CTNNA3: variants seen among roughly 807,000 people sequenced by gnomAD.
CTNNA3 encodes the protein catenin alpha-3.
In CTNNA3, 76 loss-of-function variants were observed where a neutral mutation model predicts 95.7. The ratio of observed to expected loss-of-function variants is 0.79; its 90% confidence interval spans 0.66 to 0.96. CTNNA3 has a LOEUF of 0.96. Among genes scored for constraint, CTNNA3 ranks in the 40% least tolerant of loss-of-function variants. The pLI is 0.00. For missense variants in CTNNA3, 1,191 were observed against 1,089.8 expected (o/e 1.09, Z -1.31); for synonymous variants, 431 against 374.4 (o/e 1.15, Z -1.74).
chr10:66,856,966 T>C (rs1279007678), intron 7 of CTNNA3, among the ~76,000 whole-genome samples: 1 of 152,102 alleles, frequency 6.6e-6, no homozygotes, highest in Non-Finnish European at 1.5e-5. Context: ...ATTTTTGTCA[T>C]GAAAATTTTT....
chr10:65,973,982 G>A lies in CTNNA3; in HGVS notation c.2266-7236C>T, dbSNP rs115936440. On this transcript the variant is annotated intron_variant, in intron 16 of 17. Transcript: ENST00000433211. Reference sequence around the variant, plus strand: ...GAAGACATACAAGTGGCCAACCAATGTGAAAAAATGCTCAACATCATGAAT... The same window carrying A: ...GAAGACATACAAGTGGCCAACCAATATGAAAAAATGCTCAACATCATGAAT... Among the ~76,000 whole-genome samples the A allele has an allele frequency of 7.9e-3, 1,205 of 152,160 alleles. 14 individuals carry two copies. Among genetic ancestry groups the A allele is most frequent in the African/African-American group, 0.027 (1,141 of 41,502 alleles).
chr10:67,030,035 T>C (rs1853622595), intron 7 of CTNNA3, among the ~76,000 whole-genome samples: 1 of 152,314 alleles, frequency 6.6e-6, no homozygotes. Flanking sequence ...GATAGGTAAA[T>C]AAAATTAATT....
At chr10:67,542,985 T>C (rs538194023) in intron 3 of CTNNA3, among the ~76,000 whole-genome samples, 8 of 152,282 alleles carry the variant, frequency 5.3e-5, no homozygotes, top group Non-Finnish European at 1.2e-4. Flanking sequence ...TTGCTTATAA[T>C]GCTTTTACTT....
At chr10:67,413,277 CTTCA>C (rs1212565737) in intron 5 of CTNNA3, among the ~76,000 whole-genome samples, 1 of 152,024 alleles carries the variant, frequency 6.6e-6, no homozygotes, top group Non-Finnish European at 1.5e-5. Context: ...ATCATTCATT[CTTCA>C]TTCATTCATC....
chr10:66,986,004 G>C (rs895895855), intron 7 of CTNNA3, among the ~76,000 whole-genome samples: 1 of 152,074 alleles, frequency 6.6e-6, no homozygotes, highest in African/African-American at 2.4e-5. Flanking sequence ...GGGATTACAG[G>C]CGTGAGCCAC....
At chr10:66,649,006 G>A (rs1293190726) in intron 9 of CTNNA3, among the ~76,000 whole-genome samples, 3 of 152,066 alleles carry the variant, frequency 2.0e-5, no homozygotes, top group Admixed American at 6.5e-5. Context: ...TTAAAGGAAC[G>A]CTAACATAGG....
intron 5 of CTNNA3, among the ~76,000 whole-genome samples, chr10:67,231,033 G>T (rs542439585): frequency 6.6e-6 from 1 of 152,192 alleles, no homozygotes; most frequent in Non-Finnish European, 1.5e-5. Context: ...TACGCCCACC[G>T]AGTCTCGCTG....
chr10:66,079,276 T>G (rs557994995), intron 14 of CTNNA3: 5 of 151,910 alleles, frequency 3.3e-5, no homozygotes, highest in African/African-American at 1.2e-4. Flanking sequence ...AAGATCCCTG[T>G]GCAGAAAAAG....
intron 2 of CTNNA3, among the ~76,000 whole-genome samples, chr10:67,631,612 G>A (rs1055581735): frequency 1.3e-5 from 2 of 152,140 alleles, no homozygotes; most frequent in African/African-American, 2.4e-5. Context: ...TGAACTTAAA[G>A]ACATGAACTT....
At chr10:66,830,218 T>C (rs1480483655) in intron 7 of CTNNA3, among the ~76,000 whole-genome samples, 4 of 152,214 alleles carry the variant, frequency 2.6e-5, no homozygotes, top group African/African-American at 7.2e-5. Context: ...TGATTTCTAA[T>C]ACCAGATTAA....
intron 9 of CTNNA3, among the ~76,000 whole-genome samples, chr10:66,735,810 G>A (rs575615335): frequency 7.9e-5 from 12 of 152,068 alleles, no homozygotes; most frequent in Non-Finnish European, 1.3e-4. Context: ...GGTTCACTGT[G>A]GGCAGAGTAA....
At chr10:67,105,762 T>C (rs1038827068) in intron 7 of CTNNA3, among the ~76,000 whole-genome samples, 1 of 152,186 alleles carries the variant, frequency 6.6e-6, no homozygotes, top group Non-Finnish European at 1.5e-5. Context: ...AAGAAAATTA[T>C]TGCCTTGAGG....
chr10:65,932,248 G>A (rs1801632353), intron 17 of CTNNA3, among the ~76,000 whole-genome samples: 1 of 152,164 alleles, frequency 6.6e-6, no homozygotes, highest in African/African-American at 2.4e-5. Flanking sequence ...CCAGATTAAT[G>A]ATATAGCAGA....
intron 14 of CTNNA3, among the ~76,000 whole-genome samples, chr10:66,082,116 A>G (rs2080789187): frequency 6.6e-6 from 1 of 151,982 alleles, no homozygotes; most frequent in Admixed American, 6.6e-5. Flanking sequence ...AAACTCTGGC[A>G]AAAAAATAAA....
At chr10:65,990,156 T>C (rs1378846130) in intron 15 of CTNNA3, among the ~76,000 whole-genome samples, 1 of 151,782 alleles carries the variant, frequency 6.6e-6, no homozygotes, top group East Asian at 1.9e-4. Flanking sequence ...TGATTTCACA[T>C]CTTTGCTATT....
chr10:67,245,140 T>C lies in CTNNA3; in HGVS notation c.580-25270A>G, dbSNP rs114162242. ...ACCCTGACCAGCTCCATGGACCTCC[T>C]TGCTGCTTATCCAAGAAGCCAGGCA... On this transcript the variant is annotated intron_variant, in intron 5 of 17. Coordinates refer to ENST00000433211, the MANE Select transcript of CTNNA3 (RefSeq NM_013266.4). Among the ~76,000 whole-genome samples the C allele has an allele frequency of 6.6e-3, 1,005 of 152,250 alleles. 9 individuals are homozygous for C. Among genetic ancestry groups the C allele is most frequent in the African/African-American group, 0.019 (794 of 41,548 alleles).
chr10:67,250,523 C>T (rs1589086352), intron 5 of CTNNA3, among the ~76,000 whole-genome samples: 1 of 152,146 alleles, frequency 6.6e-6, no homozygotes, highest in Admixed American at 6.5e-5. Context: ...CCACAGAGGG[C>T]CAACTTTTTA....
chr10:66,999,377 G>GA (rs1468379844), intron 7 of CTNNA3, among the ~76,000 whole-genome samples: 1 of 151,918 alleles, frequency 6.6e-6, no homozygotes, highest in Non-Finnish European at 1.5e-5. Context: ...TGGGATTCCT[G>GA]AAAAAAATAT....
chr10:67,225,337 C>A (rs943971759), intron 5 of CTNNA3, among the ~76,000 whole-genome samples: 3 of 152,174 alleles, frequency 2.0e-5, no homozygotes. Context: ...GTTCTAGGAC[C>A]TGCACGCTGC....
Sources: allele counts gnomAD v4.1 joint callset (sites outside exome capture counted in the v4.1 genomes callset), GRCh38; gene constraint gnomAD v4.1.1; transcripts MANE v1.5; gene names NCBI Gene and HGNC (gene_info 2026-07-23, HGNC 2026-07-21).